Variants in MGAT5 observed in about 807,000 individuals in gnomAD.
The protein encoded by MGAT5 is alpha-1,6-mannosylglycoprotein 6-beta-N-acetylglucosaminyltransferase A.
Under a neutral mutation model 94.3 loss-of-function variants are expected in MGAT5, and 30 were observed. That is an observed-to-expected ratio of 0.32 (90% CI 0.24 to 0.43). The LOEUF is 0.43. Ranked by LOEUF, MGAT5 falls within the 20% of genes least tolerant of loss-of-function variation. MGAT5 has a pLI of 1.00. For missense variants in MGAT5, 691 were observed against 905.5 expected (o/e 0.76, Z 3.04); for synonymous variants, 310 against 322.9 (o/e 0.96, Z 0.43).
In MGAT5 at chr2:134,268,413, C is replaced by T. The variant is rs1049753543; in HGVS notation, c.242-1973C>T. ...CGACTGCCCCCTTCTGTGTGACTGG[C>T]CTCTGGCACTCTTCAGAACTCTGGA... On this transcript the variant is annotated intron_variant, in intron 1 of 15. Coordinates refer to ENST00000281923, the MANE Select transcript of MGAT5 (RefSeq NM_002410.5). The surrounding 1 kb of genome is among the most constrained non-coding windows in gnomAD (Gnocchi z 4.1). Among the ~76,000 whole-genome samples the T allele has an allele frequency of 6.6e-6, 1 of 152,228 alleles. No homozygotes were observed. Among genetic ancestry groups the T allele is most frequent in the African/African-American group, 2.4e-5 (1 of 41,454 alleles).
At chr2:134,425,035 A>G (rs1273755330) in intron 13 of MGAT5, among the ~76,000 whole-genome samples, 3 of 152,226 alleles carry the variant, frequency 2.0e-5, no homozygotes, top group African/African-American at 7.2e-5. Flanking sequence ...AAGGGGTACA[A>G]TTCAATCCAC....
rs1397059108 is a variant in MGAT5, at chr2:134,254,410, C to G, written c.7C>G (p.Leu3Val). MA[L>V]FTPWKLSSQK... is the part of the protein sequence containing the mutation. ...GTGAAGTTGCCAGAGAGCAATGGCTCTCTTCACTCCGTGGAAGTTGTCCTC... is the reference window on the plus strand; with the variant it reads ...GTGAAGTTGCCAGAGAGCAATGGCTGTCTTCACTCCGTGGAAGTTGTCCTC... Residue 3 changes from leucine (L) to valine (V), a missense_variant, in exon 1 of 16, where the codon CTC (leucine) becomes GTC (valine). Physicochemically the swap from Leu to Val is conservative, Grantham distance 32. This residue lies in a region of MGAT5 where 307 missense variants were observed against 335.4 expected (regional missense o/e 0.92). Coordinates refer to ENST00000281923, the MANE Select transcript of MGAT5 (RefSeq NM_002410.5). 31 of 1,614,180 alleles carry G rather than the reference C, an allele frequency of 1.9e-5. No homozygotes were observed. The highest frequency in any genetic ancestry group is 6.7e-5 in the East Asian group (3 of 44,882).
At chr2:134,239,130 C>G (rs1414671572) in intron 1 of MGAT5, among the ~76,000 whole-genome samples, 1 of 152,148 alleles carries the variant, frequency 6.6e-6, no homozygotes, top group Non-Finnish European at 1.5e-5. Flanking sequence ...TCCCGAGTAG[C>G]TGGGACTACA....
chr2:134,357,547 A>G (rs1449188124), intron 9 of MGAT5, among the ~76,000 whole-genome samples: 1 of 152,240 alleles, frequency 6.6e-6, no homozygotes, highest in Admixed American at 6.5e-5. Context: ...TTTTTAGGAC[A>G]TGATAACCAA....
chr2:134,339,392 G>A (rs965953574), intron 6 of MGAT5, among the ~76,000 whole-genome samples: 1 of 152,138 alleles, frequency 6.6e-6, no homozygotes, highest in Non-Finnish European at 1.5e-5. Context: ...TTATATCTAT[G>A]TATACATAAA....
At chr2:134,345,742 T>A (rs187627140) in intron 8 of MGAT5, among the ~76,000 whole-genome samples, 1 of 152,318 alleles carries the variant, frequency 6.6e-6, no homozygotes, top group African/African-American at 2.4e-5. Context: ...AAGGTGTAGT[T>A]TGATGCTACT....
intron 1 of MGAT5, among the ~76,000 whole-genome samples, chr2:134,164,839 CA>C (rs78180455): frequency 5.9e-4 from 78 of 131,822 alleles, no homozygotes; most frequent in African/African-American, 1.2e-3. Flanking sequence ...ACACCCGTCT[CA>C]AAAAAAAAAA....
At chr2:134,299,273 A>G (rs558047156) in intron 2 of MGAT5, among the ~76,000 whole-genome samples, 1 of 152,328 alleles carries the variant, frequency 6.6e-6, no homozygotes, top group African/African-American at 2.4e-5. Context: ...CACACAAACA[A>G]ATTCCAATTA....
chr2:134,164,889 A>C (rs960397836), intron 1 of MGAT5, among the ~76,000 whole-genome samples: 1 of 152,124 alleles, frequency 6.6e-6, no homozygotes, highest in African/African-American at 2.4e-5. Context: ...ACAACAACAA[A>C]AAAACAAAAC....
chr2:134,304,761 T>C (rs1686230081), intron 2 of MGAT5, among the ~76,000 whole-genome samples: 1 of 152,184 alleles, frequency 6.6e-6, no homozygotes, highest in Non-Finnish European at 1.5e-5. Context: ...TTTTTGTTTT[T>C]TAACATGTCT....
At chr2:134,348,567 G>GA (rs534803909) in intron 8 of MGAT5, among the ~76,000 whole-genome samples, 135 of 152,276 alleles carry the variant, frequency 8.9e-4, no homozygotes, top group African/African-American at 3.1e-3. Flanking sequence ...ACATTGAAGT[G>GA]AAAATAAAAG....
At chr2:134,381,136 T>C (rs1681515100) in intron 10 of MGAT5, among the ~76,000 whole-genome samples, 2 of 152,042 alleles carry the variant, frequency 1.3e-5, no homozygotes, top group Admixed American at 1.3e-4. Context: ...CATGGGAAGA[T>C]TGAATTTTGC....
At chr2:134,260,702 CTTTTTTT>C (rs3838494) in intron 1 of MGAT5, among the ~76,000 whole-genome samples, 2 of 127,070 alleles carry the variant, frequency 1.6e-5, no homozygotes, top group African/African-American at 2.9e-5. Flanking sequence ...TTTTCTTTTT[CTTTTTTT>C]TTTTTTTTTG....
chr2:134,303,044 A>T (rs1686118975), intron 2 of MGAT5, among the ~76,000 whole-genome samples: 1 of 152,086 alleles, frequency 6.6e-6, no homozygotes, highest in Non-Finnish European at 1.5e-5. Context: ...ACCTCTGGGC[A>T]TCCGTTTACA....
intron 2 of MGAT5, among the ~76,000 whole-genome samples, chr2:134,303,311 G>A (rs1005999150): frequency 2.0e-5 from 3 of 152,002 alleles, no homozygotes; most frequent in Non-Finnish European, 4.4e-5. Flanking sequence ...CCTTGTTCAC[G>A]TTTTCCTGTT....
intron 2 of MGAT5, among the ~76,000 whole-genome samples, chr2:134,315,174 C>T (rs1686926217): frequency 6.6e-6 from 1 of 152,202 alleles, no homozygotes; most frequent in Non-Finnish European, 1.5e-5. Context: ...TCACCCTGCC[C>T]TACCACACCA....
intron 1 of MGAT5, among the ~76,000 whole-genome samples, chr2:134,195,384 TC>T (rs1679447810): frequency 6.6e-6 from 1 of 152,268 alleles, no homozygotes; most frequent in East Asian, 1.9e-4. Flanking sequence ...AAATCGCCTT[TC>T]AGTTTTAGTC....
intron 11 of MGAT5, among the ~76,000 whole-genome samples, chr2:134,407,927 A>C (rs1020391016): frequency 2.7e-4 from 41 of 152,320 alleles, no homozygotes; most frequent in African/African-American, 9.9e-4. Flanking sequence ...CCTCCATGCT[A>C]TTGCGATGCA....
chr2:134,254,604 T>G lies in MGAT5; in HGVS notation c.201T>G (p.Asn67Lys). The G allele has an allele frequency of 6.2e-7, 1 of 1,614,186 alleles. No individual in the cohort carries two copies. The highest frequency in any genetic ancestry group is 8.5e-7 in the Non-Finnish European group (1 of 1,180,034). The change falls in exon 1 of 16, where the codon AAT becomes AAG. Residue 67 changes from asparagine to lysine, a missense_variant. Asn to Lys is a moderately conservative substitution (Grantham distance 94). Transcript: ENST00000281923. ...YIKALAEENR[N>K]VVDGPYAGVM... Reference sequence around the variant, plus strand: ...AGGCACTGGCAGAAGAAAACAGGAATGTGGTGGATGGGCCATACGCTGGAG... The same window carrying G: ...AGGCACTGGCAGAAGAAAACAGGAAGGTGGTGGATGGGCCATACGCTGGAG...
Sources: gnomAD v4.1 joint callset for allele counts (sites outside exome capture counted in the v4.1 genomes callset) on GRCh38, gnomAD v4.1.1 for gene constraint, gnomAD v4.1.1 regional missense constraint, Gnocchi (gnomAD v3.1) non-coding constraint, MANE v1.5 for transcripts, NCBI Gene and HGNC (gene_info 2026-07-23, HGNC 2026-07-21) for gene names.